SLC19A3: variants seen among roughly 807,000 people sequenced by gnomAD.
SLC19A3 encodes solute carrier family 19 member 3.
In SLC19A3, 31 loss-of-function variants were observed where a neutral mutation model predicts 40.2. The observed-to-expected ratio is 0.77, with a 90% CI of 0.58 to 1.04. The LOEUF (loss-of-function observed/expected upper bound fraction) is 1.04. SLC19A3 is among the 50% of genes least tolerant of loss of function. SLC19A3 has a pLI of 0.00. For missense variants in SLC19A3, 592 were observed against 596.7 expected, an observed-to-expected ratio of 0.99 and a Z score of 0.08; for synonymous variants, 212 against 227.5, an observed-to-expected ratio of 0.93 and a Z score of 0.61.
chr2:227,696,508 T>C (rs1695442753), intron 3 of SLC19A3, among the ~76,000 whole-genome samples: 1 of 152,218 alleles, frequency 6.6e-6, no homozygotes, highest in Admixed American at 6.5e-5. Context: ...TTGCTGTAAG[T>C]CTTTTTCAGT....
At position 227,702,244 on chromosome 2, in the gene SLC19A3, G is replaced by GA. The variant is rs786205213; in HGVS notation, c.74dup (p.Ser26LeufsTer19). 30 of 1,613,832 alleles carry GA rather than the reference G, an allele frequency of 1.9e-5. No individual in the cohort carries two copies. The highest frequency in any genetic ancestry group is 6.7e-5 in the African/African-American group (5 of 74,902). On this transcript the variant is annotated frameshift_variant, in exon 2 of 6. Transcript: ENST00000644224. LOFTEE classifies it high-confidence loss of function. Reference sequence around the variant, plus strand: ...ATGGTTCTGAGGGTCTCATCATGGAGAAAAAACCAAATAAGCAGAGGATCA... The same window carrying GA: ...ATGGTTCTGAGGGTCTCATCATGGAGAAAAAAACCAAATAAGCAGAGGATCA...
intron 1 of SLC19A3, chr2:227,706,244 T>C (rs1695938329): frequency 8.7e-7 from 1 of 1,145,390 alleles, no homozygotes; most frequent in South Asian, 4.4e-5. Flanking sequence ...AAAAAAGTGC[T>C]CTAAACGTCC....
chr2:227,710,071 G>A (rs1467804424), intron 1 of SLC19A3, among the ~76,000 whole-genome samples: 3 of 152,110 alleles, frequency 2.0e-5, no homozygotes, highest in African/African-American at 7.2e-5. Context: ...ACTTCCAGGA[G>A]AATCTAATGC....
intron 1 of SLC19A3, among the ~76,000 whole-genome samples, chr2:227,715,257 C>G (rs1363605401): frequency 2.7e-5 from 4 of 146,786 alleles, no homozygotes; most frequent in Admixed American, 2.1e-4. Context: ...CACACCCCCC[C>G]CAAAAAAAAA....
intron 3 of SLC19A3, among the ~76,000 whole-genome samples, chr2:227,697,523 TGG>T (rs1171584742): frequency 6.6e-6 from 1 of 152,214 alleles, no homozygotes; most frequent in Non-Finnish European, 1.5e-5. Flanking sequence ...TGAAAGTTGT[TGG>T]TGTATAGCCT....
At chr2:227,705,675 CATG>C (rs1361850952) in intron 1 of SLC19A3, among the ~76,000 whole-genome samples, 1 of 151,914 alleles carries the variant, frequency 6.6e-6, no homozygotes, top group Non-Finnish European at 1.5e-5. Flanking sequence ...GATGAGAACG[CATG>C]GACACATGGG....
intron 3 of SLC19A3, among the ~76,000 whole-genome samples, chr2:227,697,059 T>A (rs1695465898): frequency 6.6e-6 from 1 of 152,176 alleles, no homozygotes; most frequent in South Asian, 2.1e-4. Flanking sequence ...AGTAAGACTC[T>A]GTCTAAAATA....
At position 227,703,982 on chromosome 2, in the gene SLC19A3, G is replaced by GAA. The variant is rs56145335; in HGVS notation, c.-2-1664_-2-1663dup. Among the ~76,000 whole-genome samples, 118 of 152,100 alleles carry GAA rather than the reference G, an allele frequency of 7.8e-4. 6 individuals are homozygous for GAA. In the South Asian group the frequency reaches 0.016, roughly 21 times the overall value. ...TCGATTTAGTTGGGATGGTCAAGCA[G>GAA]AAAAAAACCTATAATAAGACATGCC... On this transcript the variant is annotated intron_variant, in intron 1 of 5. Coordinates refer to ENST00000644224, the MANE Select transcript of SLC19A3 (RefSeq NM_025243.4). This position sits in a 1 kb window ranked among gnomAD's most constrained non-coding sequence, Gnocchi z 4.7.
At chr2:227,711,789 C>T (rs1696147999) in intron 1 of SLC19A3, among the ~76,000 whole-genome samples, 3 of 151,692 alleles carry the variant, frequency 2.0e-5, no homozygotes, top group Non-Finnish European at 4.4e-5. Flanking sequence ...GTGGCTCATG[C>T]CTATAGTCCC....
chr2:227,698,794 C>A lies in SLC19A3; in HGVS notation c.921G>T (p.Ala307=). Residue 307 remains alanine (A), a synonymous_variant, in exon 3 of 6, where the codon GCG becomes GCT. Transcript: ENST00000644224. The stretch of plus-strand genomic sequence containing the variant: ...TATAGATGGAAGAATCTTGGGATGG[C>A]GCCTTGTAATCCCACAGGATTTGAA... The part of the protein sequence containing the change: ...NYVQILWDYK[A]PSQDSSIYNG... 1.2e-6 allele frequency: 2 copies of A among 1,614,116 alleles called. No homozygotes were observed. The highest frequency in any genetic ancestry group is 1.1e-5 in the South Asian group (1 of 91,086).
intron 3 of SLC19A3, among the ~76,000 whole-genome samples, chr2:227,698,317 T>G (rs1232588297): frequency 6.6e-6 from 1 of 151,798 alleles, no homozygotes; most frequent in East Asian, 2.0e-4. Flanking sequence ...TCCGCCACCA[T>G]GACCGGCTAA....
At position 227,684,789 on chromosome 2, in the gene SLC19A3, C is replaced by G. The variant is rs1317741785; in HGVS notation, c.*2608G>C. ...CCTGAGACCAGGAGTTTGAAACCAG[C>G]CTGACCAACATGGTGAAACCCCGTC... On this transcript the variant is annotated 3_prime_UTR_variant, in exon 6 of 6. Transcript: ENST00000644224. 6.6e-5 allele frequency: 10 copies of G among 151,896 alleles called. No homozygotes were observed. The highest frequency in any genetic ancestry group is 2.4e-4 in the African/African-American group (10 of 41,384). 9.4% of individuals were successfully genotyped at this position (151,896 alleles called of 1,614,324 possible). A position where few individuals can be genotyped will look rare whatever the true frequency, so the allele number is the denominator to read the frequency against.
At chr2:227,715,786 T>TA (rs1277962170) in intron 1 of SLC19A3, among the ~76,000 whole-genome samples, 10 of 151,054 alleles carry the variant, frequency 6.6e-5, no homozygotes, top group Admixed American at 2.0e-4. Context: ...CTCACCTCTA[T>TA]AAAAAATACA....
intron 1 of SLC19A3, among the ~76,000 whole-genome samples, chr2:227,709,732 C>A (rs756930039): frequency 6.6e-6 from 1 of 152,112 alleles, no homozygotes; most frequent in East Asian, 1.9e-4. Flanking sequence ...AAGTTTCCCA[C>A]AACTGACTGC....
chr2:227,705,846 A>G (rs1483666727), intron 1 of SLC19A3, among the ~76,000 whole-genome samples: 1 of 152,156 alleles, frequency 6.6e-6, no homozygotes, highest in Non-Finnish European at 1.5e-5. Context: ...CATCCTGCAC[A>G]TGTACCCCAG....
rs1008527844 is a variant in SLC19A3, at chr2:227,699,376, A to G, written c.339T>C (p.Tyr113=). The change falls in exon 3 of 6, where the codon TAT becomes TAC. Residue 113 remains tyrosine, a synonymous_variant. Coordinates refer to ENST00000644224, the MANE Select transcript of SLC19A3 (RefSeq NM_025243.4). The part of the protein sequence containing the change: ...VKTMQVVEFF[Y]GMVTAAEVAY... Reference sequence around the variant, plus strand: ...CCACCTCGGCGGCGGTGACCATCCCATAGAAGAACTCTACAACCTGCATGG... The same window carrying G: ...CCACCTCGGCGGCGGTGACCATCCCGTAGAAGAACTCTACAACCTGCATGG... 6.2e-6 allele frequency: 10 copies of G among 1,614,024 alleles called. No homozygotes were observed. In the Admixed American group the frequency reaches 1.7e-4, roughly 27 times the overall value.
At chr2:227,704,765 G>C (rs987704860) in intron 1 of SLC19A3, among the ~76,000 whole-genome samples, 1 of 152,148 alleles carries the variant, frequency 6.6e-6, no homozygotes, top group Non-Finnish European at 1.5e-5. Flanking sequence ...TCCAGTCTGG[G>C]TGAGAGTGAG....
intron 1 of SLC19A3, among the ~76,000 whole-genome samples, chr2:227,713,732 G>A (rs945916173): frequency 6.6e-5 from 10 of 151,334 alleles, no homozygotes; most frequent in African/African-American, 2.2e-4. Flanking sequence ...CCACGTTCAG[G>A]TATTGTTATA....
At chr2:227,697,291 G>A (rs1261606101) in intron 3 of SLC19A3, among the ~76,000 whole-genome samples, 4 of 152,132 alleles carry the variant, frequency 2.6e-5, no homozygotes, top group African/African-American at 9.7e-5. Context: ...ATAAAATAGA[G>A]GTCACACGGG....
Sources: gnomAD v4.1 joint callset for allele counts (sites outside exome capture counted in the v4.1 genomes callset) on GRCh38, gnomAD v4.1.1 for gene constraint, Gnocchi (gnomAD v3.1) non-coding constraint, MANE v1.5 for transcripts, NCBI Gene and HGNC (gene_info 2026-07-23, HGNC 2026-07-21) for gene names.